RAD52: variants seen among roughly 807,000 people sequenced by gnomAD.
RAD52 encodes the protein DNA repair protein RAD52 homolog.
In RAD52, 47 loss-of-function variants were observed where a neutral mutation model predicts 55.5. The observed-to-expected ratio is 0.85, with a 90% CI of 0.67 to 1.08. RAD52 has a LOEUF of 1.08. Ranked by LOEUF, RAD52 falls within the 50% of genes least tolerant of loss-of-function variation. RAD52 has a pLI of 0.00. For missense variants in RAD52, 468 were observed against 522.8 expected (o/e 0.90, Z 1.02); for synonymous variants, 184 against 198.9 (o/e 0.92, Z 0.63).
At chr12:930,215 G>C in intron 3 of RAD52, 71 bp from the exon 4 acceptor site, 1 of 1,220,716 alleles carries the variant, frequency 8.2e-7, no homozygotes, top group Non-Finnish European at 1.2e-6. Context: ...AATCAAAATT[G>C]ACATAATTTA....
chr12:962,787 C>T (rs1565705060), intron 1 of RAD52, among the ~76,000 whole-genome samples: 1 of 152,124 alleles, frequency 6.6e-6, no homozygotes, highest in Non-Finnish European at 1.5e-5. Context: ...GACTCAGTTT[C>T]CTGCAACTTC....
chr12:926,908 G>A, intron 6 of RAD52: 1 of 1,537,118 alleles, frequency 6.5e-7, no homozygotes, highest in Non-Finnish European at 8.7e-7. Context: ...GGAGAAGAGA[G>A]AGTACAGGAT....
chr12:917,607 G>C (rs1269918819), intron 7 of RAD52, among the ~76,000 whole-genome samples: 1 of 151,832 alleles, frequency 6.6e-6, no homozygotes, highest in African/African-American at 2.4e-5. Context: ...CTTTGGCCAG[G>C]CACGTTGACT....
intron 7 of RAD52, among the ~76,000 whole-genome samples, chr12:922,260 C>T (rs1956784602): frequency 1.4e-5 from 2 of 139,534 alleles, no homozygotes; most frequent in African/African-American, 5.4e-5. Flanking sequence ...TTAGAAAAAT[C>T]TGAACTCATG....
At chr12:979,492 G>A (rs1186191295) in intron 1 of RAD52, among the ~76,000 whole-genome samples, 2 of 152,056 alleles carry the variant, frequency 1.3e-5, no homozygotes, top group Non-Finnish European at 2.9e-5. Context: ...GCTCTTAACA[G>A]ATAAGACTAG....
At chr12:922,077 C>A (rs1458575519) in intron 7 of RAD52, among the ~76,000 whole-genome samples, 2 of 151,664 alleles carry the variant, frequency 1.3e-5, no homozygotes, top group South Asian at 4.2e-4. Flanking sequence ...TGCACTCCAG[C>A]CTGGGTAACA....
chr12:940,400 C>G (rs1274945701), intron 1 of RAD52, among the ~76,000 whole-genome samples: 1 of 152,070 alleles, frequency 6.6e-6, no homozygotes, highest in African/African-American at 2.4e-5. Context: ...AGATGGAGAA[C>G]AGCCTTGCCA....
chr12:980,054 T>C (rs2154121774), intron 1 of RAD52, among the ~76,000 whole-genome samples: 1 of 151,998 alleles, frequency 6.6e-6, no homozygotes, highest in East Asian at 2.0e-4. Flanking sequence ...CTGGGCGTGG[T>C]GGTGGGCACC....
At chr12:974,496 G>A (rs1218928574) in intron 1 of RAD52, 1 of 152,220 alleles carries the variant, frequency 6.6e-6, no homozygotes, top group African/African-American at 2.4e-5. Context: ...AGGTCCGAGG[G>A]AACTGAAGAG....
At chr12:945,215 G>C (rs1958146044) in intron 1 of RAD52, among the ~76,000 whole-genome samples, 3 of 151,888 alleles carry the variant, frequency 2.0e-5, no homozygotes, top group African/African-American at 7.2e-5. Flanking sequence ...GCTGGGCATG[G>C]TGGCAGGTGC....
intron 1 of RAD52, among the ~76,000 whole-genome samples, chr12:966,571 C>G (rs762876959): frequency 3.3e-5 from 5 of 151,868 alleles, no homozygotes; most frequent in Admixed American, 2.0e-4. Context: ...TTTTCGCCTT[C>G]TATTGGCTTT....
chr12:913,578 G>A (rs1956205924), intron 11 of RAD52, 126 bp from the exon 12 acceptor site: 2 of 838,174 alleles, frequency 2.4e-6, no homozygotes, highest in Admixed American at 4.6e-5. Context: ...TTACTGTTAG[G>A]AGGAAGGCAG....
chr12:925,760 T>C lies in RAD52; in HGVS notation c.468-235A>G, dbSNP rs544062465. 1.1e-4 allele frequency among the ~76,000 whole-genome samples: 16 copies of C among 152,150 alleles called. No individual in the cohort carries two copies. The South Asian group carries it at 2.7e-3, about 26-fold the overall frequency. On this transcript the variant is annotated intron_variant, in intron 6 of 11. Transcript: ENST00000358495. ...CAAGTCCCTGCCCTCACAGAGAAGATGAGTATGAAAAGATTACGGCGCCAT... is the reference window on the plus strand; with the variant it reads ...CAAGTCCCTGCCCTCACAGAGAAGACGAGTATGAAAAGATTACGGCGCCAT...
chr12:982,572 T>C (rs550367633), intron 1 of RAD52, among the ~76,000 whole-genome samples: 27 of 152,070 alleles, frequency 1.8e-4, no homozygotes, highest in South Asian at 6.2e-4. Context: ...TTTCCGATAA[T>C]ATGTTCCTAA....
chr12:982,676 T>TTTTGGGGG (rs1959033469), intron 1 of RAD52, among the ~76,000 whole-genome samples: 1 of 149,662 alleles, frequency 6.7e-6, no homozygotes, highest in Non-Finnish European at 1.5e-5. Flanking sequence ...TTTTTTTTTT[T>TTTTGGGGG]GGCGGGGGGG....
chr12:964,174 G>A (rs916158365), intron 1 of RAD52, among the ~76,000 whole-genome samples: 2 of 152,126 alleles, frequency 1.3e-5, no homozygotes, highest in African/African-American at 4.8e-5. Flanking sequence ...GGCCACTGAG[G>A]GGTTTTGAGC....
chr12:980,688 G>A (rs765802835), intron 1 of RAD52, among the ~76,000 whole-genome samples: 8 of 150,234 alleles, frequency 5.3e-5, no homozygotes, highest in East Asian at 2.0e-4. Context: ...TGCAACCGCC[G>A]CCTCCTGGGT....
At chr12:971,431 C>T (rs796383953) in intron 1 of RAD52, among the ~76,000 whole-genome samples, 86 of 151,994 alleles carry the variant, frequency 5.7e-4, no homozygotes, top group Middle Eastern at 3.4e-3. Flanking sequence ...TTGCACTTAA[C>T]GGAGGAAAAT....
intron 1 of RAD52, among the ~76,000 whole-genome samples, chr12:936,654 G>A (rs1453550706): frequency 6.6e-6 from 1 of 152,054 alleles, no homozygotes; most frequent in Non-Finnish European, 1.5e-5. Flanking sequence ...TATCATGCCA[G>A]GTTAATTTTT....
Sources: gnomAD v4.1 joint callset for allele counts (sites outside exome capture counted in the v4.1 genomes callset) on GRCh38, gnomAD v4.1.1 for gene constraint, MANE v1.5 for transcripts, NCBI Gene and HGNC (gene_info 2026-07-23, HGNC 2026-07-21) for gene names.